The following TENT5D variants were observed in gnomAD, a reference collection of about 807,000 sequenced individuals.
TENT5D encodes terminal nucleotidyltransferase 5D.
For missense variants in TENT5D, 191 were observed against 287.0 expected (o/e 0.67, Z 2.42); for synonymous variants, 103 against 100.6 (o/e 1.02, Z -0.15).
intron 3 of TENT5D, among the ~76,000 whole-genome samples, chrX:80,410,263 A>T (rs2147552822): frequency 9.5e-6 from 1 of 105,644 alleles, no homozygotes; most frequent in Non-Finnish European, 1.9e-5. Flanking sequence ...TAAACTAAAG[A>T]GCTTCTGCAC....
chrX:80,350,780 C>T (rs1930160981), intron 3 of TENT5D, among the ~76,000 whole-genome samples: 1 of 111,703 alleles, frequency 9.0e-6, no homozygotes, highest in Non-Finnish European at 1.9e-5. Flanking sequence ...TTTGCAGTTG[C>T]TGGTACTGGT....
intron 1 of TENT5D, among the ~76,000 whole-genome samples, chrX:80,432,322 C>T (rs1932104508): frequency 1.8e-5 from 2 of 111,460 alleles, no homozygotes; most frequent in Admixed American, 1.9e-4. Context: ...CCCAGGACCT[C>T]CTTCCGGCCT....
At chrX:80,359,439 G>A (rs981062035) in intron 3 of TENT5D, among the ~76,000 whole-genome samples, 21 of 112,014 alleles carry the variant, frequency 1.9e-4, no homozygotes, top group African/African-American at 6.8e-4. Flanking sequence ...AGAAAATGTG[G>A]CACATATACA....
intron 3 of TENT5D, among the ~76,000 whole-genome samples, chrX:80,396,193 C>T (rs1041808075): frequency 9.0e-6 from 1 of 111,155 alleles, no homozygotes; most frequent in African/African-American, 3.3e-5. Flanking sequence ...ATTTCATTTC[C>T]TTTGGATTAA....
At position 80,378,456 on chromosome X, in the gene TENT5D, G is replaced by T. The variant is rs1186725347; in HGVS notation, c.-142+35892G>T. Among the ~76,000 whole-genome samples, 4 of 111,502 alleles carry T rather than the reference G, an allele frequency of 3.6e-5. No individual in the cohort carries two copies. In the East Asian group the frequency reaches 1.1e-3, roughly 31 times the overall value. ...ATACAGTTTCAGCTTTCTACATATAGCTAGCCAGTTTTCCATTTTTTTAAA... is the reference window on the plus strand; with the variant it reads ...ATACAGTTTCAGCTTTCTACATATATCTAGCCAGTTTTCCATTTTTTTAAA... On this transcript the variant is annotated intron_variant, in intron 3 of 4. Transcript: ENST00000538312.
chrX:80,373,409 T>C (rs1930665689), intron 3 of TENT5D, among the ~76,000 whole-genome samples: 1 of 111,131 alleles, frequency 9.0e-6, no homozygotes, highest in African/African-American at 3.3e-5. Flanking sequence ...TCACTAAGCT[T>C]AATTGTTTTT....
At chrX:80,335,934 T>A (rs1456335054) in intron 2 of TENT5D, among the ~76,000 whole-genome samples, 1 of 109,974 alleles carries the variant, frequency 9.1e-6, no homozygotes, top group East Asian at 2.8e-4. Flanking sequence ...GATACGAAAA[T>A]TACTACAAAG....
chrX:80,352,728 A>AC (rs1017477158), intron 3 of TENT5D, among the ~76,000 whole-genome samples: 1 of 105,974 alleles, frequency 9.4e-6, no homozygotes, highest in Non-Finnish European at 1.9e-5. Context: ...AACAAAAAAA[A>AC]AAAAAAAAAA....
intron 3 of TENT5D, among the ~76,000 whole-genome samples, chrX:80,382,710 C>CG (rs1187476319): frequency 1.8e-5 from 2 of 109,545 alleles, no homozygotes; most frequent in Non-Finnish European, 3.8e-5. Context: ...GGACGCCCCC[C>CG]CCCCACTGCC....
intron 1 of TENT5D, among the ~76,000 whole-genome samples, chrX:80,421,941 CG>C (rs200758559): frequency 4.2e-3 from 460 of 109,220 alleles, no homozygotes; most frequent in African/African-American, 0.015. Flanking sequence ...ATTTGTGTGT[CG>C]GGGGGTGGGA....
intron 2 of TENT5D, among the ~76,000 whole-genome samples, chrX:80,338,378 G>A (rs924599491): frequency 8.9e-6 from 1 of 111,942 alleles, no homozygotes; most frequent in African/African-American, 3.2e-5. Context: ...GTGTGAATTT[G>A]ACTGGGATAA....
chrX:80,399,123 C>T (rs1030051478), intron 3 of TENT5D, among the ~76,000 whole-genome samples: 4 of 111,096 alleles, frequency 3.6e-5, no homozygotes, highest in Non-Finnish European at 5.7e-5. Context: ...TGATGAAATC[C>T]CATTTGTCTA....
chrX:80,364,060 A>G (rs5912423), intron 3 of TENT5D, among the ~76,000 whole-genome samples: 61,620 of 110,977 alleles, frequency 0.56, 13,652 homozygotes, highest in Non-Finnish European at 0.71. Context: ...TATTCATCTT[A>G]TAGCTGAAAG....
chrX:80,407,947 T>A (rs1387720331), intron 3 of TENT5D, among the ~76,000 whole-genome samples: 2 of 109,266 alleles, frequency 1.8e-5, no homozygotes, highest in African/African-American at 3.3e-5. Context: ...ATTAAGAATC[T>A]CACTCAAAAC....
upstream of TENT5D, among the ~76,000 whole-genome samples, chrX:80,418,523 A>G (rs192850271): frequency 1.6e-3 from 178 of 111,224 alleles, 1 homozygote; most frequent in African/African-American, 5.8e-3. Flanking sequence ...ATGAAACCAG[A>G]ATATTTGGAT....
chrX:80,357,713 A>C (rs1247779864), intron 3 of TENT5D, among the ~76,000 whole-genome samples: 1 of 111,305 alleles, frequency 9.0e-6, no homozygotes, highest in Non-Finnish European at 1.9e-5. Flanking sequence ...AGGAAGAATC[A>C]ATATTGTCAA....
intron 1 of TENT5D, among the ~76,000 whole-genome samples, chrX:80,423,891 G>T: frequency 9.0e-6 from 1 of 110,735 alleles, no homozygotes; most frequent in Middle Eastern, 4.6e-3. Flanking sequence ...CAAAGGTTGG[G>T]CCTTGTTTCT....
chrX:80,365,703 C>T (rs1449577740), intron 3 of TENT5D, among the ~76,000 whole-genome samples: 10 of 109,172 alleles, frequency 9.2e-5, no homozygotes, highest in African/African-American at 3.0e-4. Context: ...TATCCAGGCG[C>T]GGTGGCAGCC....
At chrX:80,403,535 G>C (rs779417645) in intron 3 of TENT5D, among the ~76,000 whole-genome samples, 2 of 112,481 alleles carry the variant, frequency 1.8e-5, no homozygotes, top group South Asian at 7.4e-4. Context: ...CGACATTTAG[G>C]TTGGATAATT....
Sources: allele counts gnomAD v4.1 joint callset (sites outside exome capture counted in the v4.1 genomes callset), GRCh38; gene constraint gnomAD v4.1.1; transcripts MANE v1.5; gene names NCBI Gene and HGNC (gene_info 2026-07-23, HGNC 2026-07-21).